Variants in ZMYND11 observed in about 807,000 individuals in gnomAD.
ZMYND11 encodes the protein zinc finger MYND domain-containing protein 11.
Under a neutral mutation model 84.9 loss-of-function variants are expected in ZMYND11, and 9 were observed. That is an observed-to-expected ratio of 0.11 (90% CI 0.06 to 0.18). The LOEUF (loss-of-function observed/expected upper bound fraction) is 0.18, where lower values mean the gene tolerates loss of function less well. Among genes scored for constraint, ZMYND11 ranks in the 10% least tolerant of loss-of-function variants. The pLI, the probability that ZMYND11 is intolerant of heterozygous loss-of-function variation, is 1.00. For synonymous variants in ZMYND11, 250 were observed against 244.1 expected (o/e 1.02, Z -0.23); for missense variants, 409 against 761.0 (o/e 0.54, Z 5.44).
chr10:234,712 A>G (rs577661911), intron 4 of ZMYND11, among the ~76,000 whole-genome samples: 20 of 152,304 alleles, frequency 1.3e-4, no homozygotes, highest in African/African-American at 4.6e-4. Flanking sequence ...TTTAAGAAGA[A>G]TGTACATTTT....
chr10:201,567 G>T (rs756231246), intron 2 of ZMYND11, among the ~76,000 whole-genome samples: 1 of 86,010 alleles, frequency 1.2e-5, no homozygotes, highest in East Asian at 4.0e-4. Flanking sequence ...TAAATAATCA[G>T]TGGCTGTTAC....
At chr10:250,734 AGG>A (rs763132599) in intron 14 of ZMYND11, among the ~76,000 whole-genome samples, 3 of 152,200 alleles carry the variant, frequency 2.0e-5, no homozygotes, top group Non-Finnish European at 4.4e-5. Flanking sequence ...TTCTAGTAAA[AGG>A]GTTAGAATTC....
intron 1 of ZMYND11, among the ~76,000 whole-genome samples, chr10:173,286 T>C (rs1158640092): frequency 2.0e-5 from 3 of 152,106 alleles, no homozygotes; most frequent in Admixed American, 6.6e-5. Context: ...CTGTCAAAGA[T>C]AATGTCAAGA....
intron 10 of ZMYND11, among the ~76,000 whole-genome samples, chr10:245,230 T>A (rs1358804137): frequency 6.6e-6 from 1 of 152,230 alleles, no homozygotes; most frequent in Non-Finnish European, 1.5e-5. Flanking sequence ...AATATATTCA[T>A]AAATAATGTT....
intron 3 of ZMYND11, among the ~76,000 whole-genome samples, chr10:218,771 A>C (rs1199974857): frequency 6.6e-6 from 1 of 152,224 alleles, no homozygotes; most frequent in East Asian, 1.9e-4. Flanking sequence ...TGAAAATGCA[A>C]ACTTAGGTTC....
At chr10:244,520 G>A (rs1951716599) in intron 10 of ZMYND11, 1 of 152,296 alleles carries the variant, frequency 6.6e-6, no homozygotes, top group African/African-American at 2.4e-5. Context: ...AAAAGTAGCT[G>A]ATAAGACCTG....
chr10:136,675 C>T (rs1054391277), intron 1 of ZMYND11, among the ~76,000 whole-genome samples: 9 of 152,026 alleles, frequency 5.9e-5, no homozygotes, highest in African/African-American at 9.7e-5. Flanking sequence ...TTTACCTTAC[C>T]TGTTGTCACA....
chr10:192,774 ATTTC>A (rs1245981470), intron 2 of ZMYND11, among the ~76,000 whole-genome samples: 4 of 152,042 alleles, frequency 2.6e-5, no homozygotes, highest in Non-Finnish European at 5.9e-5. Flanking sequence ...TGAACTTGGC[ATTTC>A]TTTATCTGTT....
intron 1 of ZMYND11, among the ~76,000 whole-genome samples, chr10:154,589 C>T (rs1369661725): frequency 3.3e-5 from 5 of 152,072 alleles, no homozygotes; most frequent in African/African-American, 1.2e-4. Flanking sequence ...GTCAGAACAC[C>T]ATGAGGGTTG....
Position 201,413 on chromosome 10 carries a change from A to G in ZMYND11, c.117-8476A>G, listed in dbSNP as rs569165074. ...TTGTGGCTGTTTTTATACTGTTTTTATTAATGTGCTCATTTTCCAATATAT... is the reference window on the plus strand; with the variant it reads ...TTGTGGCTGTTTTTATACTGTTTTTGTTAATGTGCTCATTTTCCAATATAT... On this transcript the variant is annotated intron_variant, in intron 2 of 14. Coordinates refer to ENST00000381604, the MANE Select transcript of ZMYND11 (RefSeq NM_001370100.5). Among the ~76,000 whole-genome samples the G allele has an allele frequency of 3.9e-5, 6 of 152,148 alleles. No homozygotes were observed. In the East Asian group the frequency reaches 9.6e-4, roughly 24 times the overall value.
At position 135,917 on chromosome 10, in the gene ZMYND11, G is replaced by A. The variant is rs1285314537; in HGVS notation, c.-20+358G>A. 6.6e-6 allele frequency among the ~76,000 whole-genome samples: 1 copy of A among 151,526 alleles called. No homozygotes were observed. Among genetic ancestry groups the A allele is most frequent in the Non-Finnish European group, 1.5e-5 (1 of 67,792 alleles). ...GAGTCGCGTGAGCACCGCCCGCCGG[G>A]CCCTGTGCCCCGCTTTCGGTCAGGC... On this transcript the variant is annotated intron_variant, in intron 1 of 14. Coordinates refer to ENST00000381604, the MANE Select transcript of ZMYND11 (RefSeq NM_001370100.5). This position sits in a 1 kb window ranked among gnomAD's most constrained non-coding sequence, Gnocchi z 5.6.
chr10:137,092 A>G (rs189432484), intron 1 of ZMYND11, among the ~76,000 whole-genome samples: 3 of 152,190 alleles, frequency 2.0e-5, no homozygotes, highest in Admixed American at 6.5e-5. Context: ...ATGGTACCCA[A>G]TGTCATATGC....
rs185845198 is a variant in ZMYND11 at position 253,335 on chromosome 10, A to G, written c.*865A>G. 1 of 152,788 alleles carries G rather than the reference A, an allele frequency of 6.5e-6. No individual in the cohort carries two copies. The highest frequency in any genetic ancestry group is 1.9e-4 in the East Asian group (1 of 5,188). The allele number at this position is 152,788 out of a possible 1,614,324, so 9.5% of individuals were successfully genotyped here. ...TAATGCTTCCCTTCCCTTCCCACAT[A>G]TCATCTCACTGCCTATTATCTGGTG... On this transcript the variant is annotated 3_prime_UTR_variant, in exon 15 of 15. Coordinates refer to ENST00000381604, the MANE Select transcript of ZMYND11 (RefSeq NM_001370100.5).
At chr10:236,767 GTC>G in intron 4 of ZMYND11, 69 bp from the exon 5 acceptor site, 1 of 1,322,426 alleles carries the variant, frequency 7.6e-7, no homozygotes, top group East Asian at 2.5e-5. Flanking sequence ...TTTCATATAT[GTC>G]TTTTACATGA....
At chr10:141,440 T>A (rs1318497813) in intron 1 of ZMYND11, among the ~76,000 whole-genome samples, 1 of 152,178 alleles carries the variant, frequency 6.6e-6, no homozygotes, top group Non-Finnish European at 1.5e-5. Context: ...AGTTTGAGGC[T>A]ACAGTGAGCT....
At chr10:239,254 C>G (rs1313193314) in intron 6 of ZMYND11, among the ~76,000 whole-genome samples, 184 bp from the exon 7 acceptor site, 1 of 152,196 alleles carries the variant, frequency 6.6e-6, no homozygotes, top group Non-Finnish European at 1.5e-5. Context: ...CTTCATTATA[C>G]TATATTATTA....
chr10:187,520 G>A (rs1939007328), intron 2 of ZMYND11, among the ~76,000 whole-genome samples: 1 of 152,032 alleles, frequency 6.6e-6, no homozygotes, highest in African/African-American at 2.4e-5. Context: ...TGTAGTCCCA[G>A]CTACTCGGGA....
rs561571654 is a variant in ZMYND11 at position 232,914 on chromosome 10, G to A, written c.439-3924G>A. On this transcript the variant is annotated intron_variant, in intron 4 of 14. Coordinates refer to ENST00000381604, the MANE Select transcript of ZMYND11 (RefSeq NM_001370100.5). ...ATTGAGAGCATCCTAGAGCTGGTAC[G>A]TTAGGGTTCAAAATAAAAACTCAGG... Among the ~76,000 whole-genome samples, 34 of 152,284 alleles carry A rather than the reference G, an allele frequency of 2.2e-4. No homozygotes were observed. In the South Asian group the frequency reaches 6.4e-3, roughly 29 times the overall value.
At chr10:187,571 T>C (rs1409730424) in intron 2 of ZMYND11, among the ~76,000 whole-genome samples, 2 of 151,684 alleles carry the variant, frequency 1.3e-5, no homozygotes, top group Non-Finnish European at 2.9e-5. Flanking sequence ...GAGGCGGAGC[T>C]TGCAGTGAGC....
Sources: gnomAD v4.1 joint callset for allele counts (sites outside exome capture counted in the v4.1 genomes callset) on GRCh38, gnomAD v4.1.1 for gene constraint, Gnocchi (gnomAD v3.1) non-coding constraint, MANE v1.5 for transcripts, NCBI Gene and HGNC (gene_info 2026-07-23, HGNC 2026-07-21) for gene names.